Variants in SYMPK observed in about 807,000 individuals in gnomAD.
SYMPK encodes symplekin scaffold protein.
SYMPK carries 49 observed loss-of-function variants against 136.4 expected under a neutral mutation model. The ratio of observed to expected loss-of-function variants is 0.36; its 90% CI spans 0.29 to 0.46. SYMPK has a LOEUF of 0.46. Ranked by LOEUF, SYMPK falls within the 20% of genes least tolerant of loss-of-function variation. SYMPK has a pLI of 1.00. For synonymous variants in SYMPK, 766 were observed against 713.0 expected (o/e 1.07, Z -1.19); for missense variants, 1,365 against 1,690.0 (o/e 0.81, Z 3.37).
chr19:45,815,677 C>T lies in SYMPK; in HGVS notation c.3708G>A (p.Leu1236=). The change falls in exon 27 of 27, where the codon CTG becomes CTA. Residue 1236 remains leucine (L), a synonymous_variant. Transcript: ENST00000245934. ...PLPKETAAGG[L]TLKEERSPQT... ...GGGGGCTCCGCTCCTCCTTCAAGGTCAGCCCGCCCGCTGCCGTCTCCTGGT... is the reference window on the plus strand; with the variant it reads ...GGGGGCTCCGCTCCTCCTTCAAGGTTAGCCCGCCCGCTGCCGTCTCCTGGT... 1 of 1,610,454 alleles carries T rather than the reference C, an allele frequency of 6.2e-7. No individual in the cohort carries two copies. Among genetic ancestry groups the T allele is most frequent in the Non-Finnish European group, 8.5e-7 (1 of 1,178,976 alleles).
In SYMPK at chr19:45,828,986, G is replaced by A; in HGVS notation, c.1969C>T (p.Pro657Ser). Residue 657 changes from proline to serine, a missense_variant, in exon 14 of 27, where the codon CCA becomes TCA. This residue lies in a region of SYMPK where 303 missense variants were observed against 326.6 expected (regional missense o/e 0.93). Transcript: ENST00000245934. Reference protein sequence around the residue: ...IRLLSGLQEKPDQKDGIFTKV... With the variant: ...IRLLSGLQEKSDQKDGIFTKV... ...CCCCCTCACCCATCCTTCTGGTCTG[G>A]TTTCTCCTGCAGGCCAGACAACAGG... The A allele has an allele frequency of 6.2e-7, 1 of 1,614,150 alleles. No individual in the cohort carries two copies. Among genetic ancestry groups the A allele is most frequent in the Non-Finnish European group, 8.5e-7 (1 of 1,180,014 alleles).
At chr19:45,822,279 T>C (rs966981064) in intron 21 of SYMPK, among the ~76,000 whole-genome samples, 8 of 152,016 alleles carry the variant, frequency 5.3e-5, no homozygotes, top group African/African-American at 1.2e-4. Flanking sequence ...CCACCACGCC[T>C]GGCTAATTTT....
rs918491 is a variant in SYMPK, at chr19:45,834,880, T to C, written c.1393+198A>G. ...GGATGAGATCTGATTCAACTCAAAC[T>C]TCAAACCCAGGTCTGTTGGATTCCA... On this transcript the variant is annotated intron_variant, in intron 11 of 26. Coordinates refer to ENST00000245934, the MANE Select transcript of SYMPK (RefSeq NM_004819.3). Among the ~76,000 whole-genome samples, 21,722 of 152,260 alleles carry C rather than the reference T, an allele frequency of 0.14. 1,635 individuals carry two copies. Among genetic ancestry groups the C allele is most frequent in the South Asian group, 0.18 (851 of 4,830 alleles).
Position 45,815,997 on chromosome 19 carries a change from C to G in SYMPK, c.3541G>C (p.Gly1181Arg), listed in dbSNP as rs779271352. The G allele has an allele frequency of 2.9e-5, 47 of 1,604,254 alleles. No individual in the cohort carries two copies. The highest frequency in any genetic ancestry group is 4.0e-5 in the African/African-American group (3 of 74,876). Residue 1181 changes from glycine (G) to arginine (R), a missense_variant, in exon 26 of 27, where the codon GGC becomes CGC. Physicochemically the swap from Gly to Arg is moderately radical, Grantham distance 125 (BLOSUM62 -2). This residue lies in a region of SYMPK where 341 missense variants were observed against 270.5 expected (regional missense o/e 1.26). Transcript: ENST00000245934. ...ATGGCTTCCTCAGACGGGGGCGGGCCTGGCCGGGCCGACGGAGAGGGAGAG... is the reference window on the plus strand; with the variant it reads ...ATGGCTTCCTCAGACGGGGGCGGGCGTGGCCGGGCCGACGGAGAGGGAGAG... ...SPSPSPSARP[G>R]PPPSEEAMDF...
chr19:45,817,960 T>A lies in SYMPK; in HGVS notation c.3080A>T (p.Gln1027Leu). The A allele has an allele frequency of 6.4e-7, 1 of 1,573,442 alleles. No homozygotes were observed. The highest frequency in any genetic ancestry group is 8.6e-7 in the Non-Finnish European group (1 of 1,158,658). ...MNILSRLIMK[Q>L]VWKYPKVWEG... Reference sequence around the variant, plus strand: ...GCGGGGTGGCCGGGGATGGGTTACCTGCTTCATGATGAGGCGGGACAGGAT... The same window carrying A: ...GCGGGGTGGCCGGGGATGGGTTACCAGCTTCATGATGAGGCGGGACAGGAT... Residue 1027 changes from glutamine (Q) to leucine (L), a missense_variant and splice_region_variant, in exon 23 of 27, where the codon CAG becomes CTG. By Grantham distance (113) the Gln-to-Leu change is moderately radical (BLOSUM62 -2). This residue lies in a region of SYMPK where 156 missense variants were observed against 217.8 expected (regional missense o/e 0.72). Coordinates refer to ENST00000245934, the MANE Select transcript of SYMPK (RefSeq NM_004819.3).
chr19:45,834,450 C>T (rs920237850), intron 11 of SYMPK, among the ~76,000 whole-genome samples: 1 of 147,020 alleles, frequency 6.8e-6, no homozygotes, highest in Non-Finnish European at 1.5e-5. Flanking sequence ...CAGAGCGAGA[C>T]TTTGTCTCAA....
At chr19:45,854,080 A>T (rs1971759035) in intron 3 of SYMPK, 95 bp downstream of exon 3, 1 of 1,189,888 alleles carries the variant, frequency 8.4e-7, no homozygotes, top group Non-Finnish European at 1.3e-6. Context: ...CTGAGTGTGT[A>T]AATGTGGACA....
intron 5 of SYMPK, among the ~76,000 whole-genome samples, chr19:45,849,603 C>T (rs1356718706): frequency 6.6e-6 from 1 of 152,228 alleles, no homozygotes; most frequent in Admixed American, 6.5e-5. Context: ...TGCTATACTA[C>T]AGCCTAACAT....
intron 13 of SYMPK, 34 bp from the exon 14 acceptor site, chr19:45,829,239 G>T (rs766335206): frequency 6.6e-5 from 105 of 1,590,212 alleles, no homozygotes; most frequent in Non-Finnish European, 8.5e-5. Context: ...GTCAGTGTAG[G>T]GTGGGCAATC....
In SYMPK at chr19:45,848,734, G is replaced by T; in HGVS notation, c.426+16C>A. On this transcript the variant is annotated intron_variant, in intron 6 of 26. Transcript: ENST00000245934. Reference sequence around the variant, plus strand: ...ATATCAGGCAGGATGGCCCTGGGTGGGGAGGGCGCTCTCACCTGCAGGGCC... The same window carrying T: ...ATATCAGGCAGGATGGCCCTGGGTGTGGAGGGCGCTCTCACCTGCAGGGCC... The T allele has an allele frequency of 6.2e-7, 1 of 1,613,090 alleles. No homozygotes were observed. The highest frequency in any genetic ancestry group is 1.1e-5 in the South Asian group (1 of 91,022).
At chr19:45,816,434 G>T (rs991533039) in intron 25 of SYMPK, 48 bp downstream of exon 25, 1 of 1,577,010 alleles carries the variant, frequency 6.3e-7, no homozygotes, top group Non-Finnish European at 8.6e-7. Context: ...GCTTGGGGTA[G>T]GGGGTGGGAG....
intron 17 of SYMPK, 33 bp from the exon 18 acceptor site, chr19:45,825,364 C>G: frequency 6.2e-7 from 1 of 1,605,700 alleles, no homozygotes; most frequent in Non-Finnish European, 8.5e-7. Context: ...CAGATTGGCC[C>G]ACACTCTTCT....
Position 45,854,422 on chromosome 19 carries a change from G to A in SYMPK, c.74C>T (p.Pro25Leu), listed in dbSNP as rs371180833. Residue 25 changes from proline to leucine, a missense_variant, in exon 2 of 27, where the codon CCG becomes CTG. Physicochemically the swap from Pro to Leu is moderately conservative, Grantham distance 98. Coordinates refer to ENST00000245934, the MANE Select transcript of SYMPK (RefSeq NM_004819.3). ...ASQFFTQEEG[P>L]GIDGMTTSER... ...TGAGGTGGTCATGCCATCGATGCCC[G>A]GCCCCTCCTCTTGAGTGAAAAACTG... 69 of 1,614,106 alleles carry A rather than the reference G, an allele frequency of 4.3e-5. No homozygotes were observed. The highest frequency in any genetic ancestry group is 1.7e-4 in the Middle Eastern group (1 of 6,060).
intron 9 of SYMPK, 57 bp downstream of exon 9, chr19:45,842,193 T>C (rs1362838166): frequency 1.7e-5 from 27 of 1,607,522 alleles, no homozygotes; most frequent in Non-Finnish European, 2.2e-5. Context: ...TAGTTTAAGG[T>C]AAATAATGAA....
rs1381670557 is a variant in SYMPK at position 45,842,581 on chromosome 19, T to C, written c.848-92A>G. On this transcript the variant is annotated intron_variant, in intron 8 of 26. Coordinates refer to ENST00000245934, the MANE Select transcript of SYMPK (RefSeq NM_004819.3). ...TCAACCCCAAACTTGGGCAGTGGTC[T>C]TGCAGGCATCTACTAGAAAAGTTCC... 9 of 1,526,094 alleles carry C rather than the reference T, an allele frequency of 5.9e-6. No individual in the cohort carries two copies. The Admixed American group carries it at 1.1e-4, about 18-fold the overall frequency. The allele number at this position is 1,526,094 out of a possible 1,614,324, so 94.5% of individuals were successfully genotyped here. A position where few individuals can be genotyped will look rare whatever the true frequency, so the allele number is the denominator to read the frequency against.
In SYMPK at chr19:45,841,416, C is replaced by A. The variant is rs1971432962; in HGVS notation, c.1087+834G>T. ...CAAGTGATTCTCCTGCCTCAGCCTC[C>A]AGAGTATCTGGGATTACAGGCATGC... On this transcript the variant is annotated intron_variant, in intron 9 of 26. Transcript: ENST00000245934. Among the ~76,000 whole-genome samples the A allele has an allele frequency of 2.6e-5, 4 of 152,202 alleles. No homozygotes were observed. In the South Asian group the frequency reaches 8.3e-4, roughly 32 times the overall value.
At chr19:45,846,676 G>A (rs952998571) in intron 7 of SYMPK, among the ~76,000 whole-genome samples, 1 of 152,144 alleles carries the variant, frequency 6.6e-6, no homozygotes, top group East Asian at 1.9e-4. Context: ...CATGTGCACA[G>A]GAAAGATCTG....
At chr19:45,817,038 TG>T in intron 23 of SYMPK, 64 bp from the exon 24 acceptor site, 1 of 1,492,404 alleles carries the variant, frequency 6.7e-7, no homozygotes, top group Non-Finnish European at 9.0e-7. Flanking sequence ...GCCTTGACAC[TG>T]GGAGAAAGAC....
At chr19:45,836,446 C>G (rs1339256256) in intron 10 of SYMPK, among the ~76,000 whole-genome samples, 2 of 151,762 alleles carry the variant, frequency 1.3e-5, no homozygotes, top group African/African-American at 2.4e-5. Flanking sequence ...TTGGCTAACA[C>G]AGCGAAACCT....
Sources: allele counts gnomAD v4.1 joint callset (sites outside exome capture counted in the v4.1 genomes callset), GRCh38; gene constraint gnomAD v4.1.1; regional missense constraint gnomAD v4.1.1; transcripts MANE v1.5; gene names NCBI Gene and HGNC (gene_info 2026-07-23, HGNC 2026-07-21).